TLCD4: variants seen among roughly 807,000 people sequenced by gnomAD.
TLCD4 encodes the protein TLC domain-containing protein 4.
In TLCD4, 7 loss-of-function variants were observed where a neutral mutation model predicts 24.2. The observed-to-expected ratio is 0.29, with a 90% CI of 0.16 to 0.54. The LOEUF (loss-of-function observed/expected upper bound fraction) is 0.54. TLCD4 is among the 20% of genes least tolerant of loss of function. TLCD4 has a pLI of 0.95. For synonymous variants in TLCD4, 103 were observed against 106.4 expected, an observed-to-expected ratio of 0.97 and a Z score of 0.20; for missense variants, 259 against 313.9, an observed-to-expected ratio of 0.82 and a Z score of 1.32.
intron 1 of TLCD4, chr1:95,120,173 G>A (rs1415708337): frequency 6.6e-6 from 1 of 152,190 alleles, no homozygotes; most frequent in African/African-American, 2.4e-5. Context: ...GTCACCATCT[G>A]TTCTCAAGGA....
intron 1 of TLCD4, among the ~76,000 whole-genome samples, chr1:95,126,515 T>C (rs990770266): frequency 3.9e-5 from 6 of 152,082 alleles, no homozygotes; most frequent in Non-Finnish European, 8.8e-5. Context: ...AAACCATCCA[T>C]AGACCCTAGT....
intron 5 of TLCD4, among the ~76,000 whole-genome samples, chr1:95,161,653 C>T (rs996265604): frequency 7.2e-5 from 11 of 152,152 alleles, no homozygotes; most frequent in Non-Finnish European, 1.5e-4. Context: ...CAATAAATTT[C>T]CCTCTACACC....
chr1:95,143,006 A>G (rs1028364791), intron 1 of TLCD4, among the ~76,000 whole-genome samples: 5 of 151,968 alleles, frequency 3.3e-5, no homozygotes, highest in Admixed American at 1.3e-4. Flanking sequence ...CTTCTGTGCA[A>G]AGGAAGACTT....
At chr1:95,169,652 A>G (rs1571766763) in intron 5 of TLCD4, among the ~76,000 whole-genome samples, 1 of 152,258 alleles carries the variant, frequency 6.6e-6, no homozygotes, top group East Asian at 1.9e-4. Flanking sequence ...TTTTATTTTT[A>G]AAGTTAATAT....
At chr1:95,168,646 G>A (rs1411836071) in intron 5 of TLCD4, among the ~76,000 whole-genome samples, 1 of 138,028 alleles carries the variant, frequency 7.2e-6, no homozygotes, top group Admixed American at 8.1e-5. Context: ...GCCTCTGCTG[G>A]CATTATAGGC....
chr1:95,158,371 T>C (rs1422862173), intron 5 of TLCD4, among the ~76,000 whole-genome samples: 1 of 151,462 alleles, frequency 6.6e-6, no homozygotes, highest in Non-Finnish European at 1.5e-5. Context: ...TCTATAGAGA[T>C]GGGGTCAGCC....
the TLCD4 span, among the ~76,000 whole-genome samples, chr1:95,100,339 C>T: frequency 1.3e-5 from 2 of 152,190 alleles, no homozygotes; most frequent in African/African-American, 4.8e-5. Flanking sequence ...CTTTGGGAGG[C>T]TGAGGCAGGC....
chr1:95,153,495 A>G (rs1677547465), intron 5 of TLCD4, among the ~76,000 whole-genome samples: 1 of 152,200 alleles, frequency 6.6e-6, no homozygotes, highest in Admixed American at 6.5e-5. Context: ...TTTAGGTTCA[A>G]CGATGCATAA....
Position 95,137,774 on chromosome 1 carries a change from A to T in TLCD4, c.-11-6117A>T, listed in dbSNP as rs534408301. Among the ~76,000 whole-genome samples, 56 of 149,214 alleles carry T rather than the reference A, an allele frequency of 3.8e-4. 1 individual carries two copies. The highest frequency in any genetic ancestry group is 1.4e-3 in the African/African-American group (55 of 40,240). ...TTCTGAAACAGCGTCTTGCACGGTC[A>T]CCCAGGCCTGAGTGCCCTGGTACAC... On this transcript the variant is annotated intron_variant, in intron 1 of 6. Coordinates refer to ENST00000370203, the MANE Select transcript of TLCD4 (RefSeq NM_152487.3).
In TLCD4 at chr1:95,192,024, C is replaced by T. The variant is rs996040183; in HGVS notation, c.*156C>T. On this transcript the variant is annotated 3_prime_UTR_variant, in exon 7 of 7. Coordinates refer to ENST00000370203, the MANE Select transcript of TLCD4 (RefSeq NM_152487.3). Reference sequence around the variant, plus strand: ...ACCTTAGAAAAGAGAAGGCCGGGCACGGTGGCTCATGCCTGTAATCCCAGC... The same window carrying T: ...ACCTTAGAAAAGAGAAGGCCGGGCATGGTGGCTCATGCCTGTAATCCCAGC... The T allele has an allele frequency of 1.3e-5, 19 of 1,429,408 alleles. No homozygotes were observed. The highest frequency in any genetic ancestry group is 2.5e-4 in the Middle Eastern group (1 of 3,932). The allele number at this position is 1,429,408 out of a possible 1,614,324, so 88.5% of individuals were successfully genotyped here. A position where few individuals can be genotyped will look rare whatever the true frequency, so the allele number is the denominator to read the frequency against.
At position 95,189,471 on chromosome 1, in the gene TLCD4, C is replaced by G. The variant is rs141780475; in HGVS notation, c.474-2079C>G. ...GCACTTCTGTGGGTTTTGATAAGTGCATAATGTCATGTATCCACCACTATA... is the reference window on the plus strand; with the variant it reads ...GCACTTCTGTGGGTTTTGATAAGTGGATAATGTCATGTATCCACCACTATA... On this transcript the variant is annotated intron_variant, in intron 6 of 6. Transcript: ENST00000370203. Among the ~76,000 whole-genome samples, 1,008 of 152,302 alleles carry G rather than the reference C, an allele frequency of 6.6e-3. 6 individuals carry two copies. The highest frequency in any genetic ancestry group is 0.01 in the Non-Finnish European group (691 of 68,022).
At chr1:95,109,404 T>TG in the TLCD4 span, among the ~76,000 whole-genome samples, 1 of 61,222 alleles carries the variant, frequency 1.6e-5, no homozygotes, top group Admixed American at 1.9e-4. Flanking sequence ...ACTTTTTCTC[T>TG]CCAAAACCTG....
chr1:95,131,362 A>G (rs1252038680), intron 1 of TLCD4, among the ~76,000 whole-genome samples: 1 of 152,188 alleles, frequency 6.6e-6, no homozygotes, highest in African/African-American at 2.4e-5. Context: ...GCCTTGTGGA[A>G]GAAGGGAACA....
chr1:95,189,605 G>T (rs1042642395), intron 6 of TLCD4, among the ~76,000 whole-genome samples: 1 of 152,098 alleles, frequency 6.6e-6, no homozygotes, highest in Non-Finnish European at 1.5e-5. Context: ...TTTCTGTCTT[G>T]ATACTTTTGC....
chr1:95,188,143 T>A (rs1678891229), intron 6 of TLCD4, among the ~76,000 whole-genome samples: 1 of 152,144 alleles, frequency 6.6e-6, no homozygotes, highest in Admixed American at 6.5e-5. Flanking sequence ...ATCCCAGCAC[T>A]TTGGGAGGCC....
At chr1:95,130,248 G>A (rs1676854097) in intron 1 of TLCD4, among the ~76,000 whole-genome samples, 1 of 146,290 alleles carries the variant, frequency 6.8e-6, no homozygotes, top group African/African-American at 2.5e-5. Context: ...CGCCTCCCAG[G>A]TTCAAGGGAT....
At chr1:95,181,201 C>T (rs1205290178) in intron 6 of TLCD4, among the ~76,000 whole-genome samples, 2 of 121,634 alleles carry the variant, frequency 1.6e-5, no homozygotes, top group African/African-American at 3.9e-5. Context: ...CCAAAACAAA[C>T]CAAAAAAAAA....
chr1:95,100,891 G>T, the TLCD4 span, among the ~76,000 whole-genome samples: 6,889 of 148,658 alleles, frequency 0.046, 198 homozygotes, highest in South Asian at 0.084. Context: ...GCCCATTTAT[G>T]CAACTCAAAG....
At chr1:95,112,877 T>G (rs930908679), upstream of TLCD4, among the ~76,000 whole-genome samples, 3 of 152,010 alleles carry the variant, frequency 2.0e-5, no homozygotes, top group Non-Finnish European at 4.4e-5. Context: ...CATTTTTATT[T>G]TATTTATTTA....
Sources: gnomAD v4.1 joint callset for allele counts (sites outside exome capture counted in the v4.1 genomes callset) on GRCh38, gnomAD v4.1.1 for gene constraint, MANE v1.5 for transcripts, NCBI Gene and HGNC (gene_info 2026-07-23, HGNC 2026-07-21) for gene names.